ATRNL1: variants seen among roughly 807,000 people sequenced by gnomAD.
ATRNL1 encodes attractin-like protein 1.
In ATRNL1, 95 loss-of-function variants were observed where a neutral mutation model predicts 182.7. The ratio of observed to expected loss-of-function variants is 0.52; its 90% confidence interval spans 0.44 to 0.62. ATRNL1 has a LOEUF of 0.62. Ranked by LOEUF, ATRNL1 falls within the 20% of genes least tolerant of loss-of-function variation. The pLI is 0.00. For missense variants in ATRNL1, 1,471 were observed against 1,679.5 expected (o/e 0.88, Z 2.17); for synonymous variants, 576 against 568.3 (o/e 1.01, Z -0.19).
At chr10:115,336,980 G>T (rs949530206) in intron 19 of ATRNL1, among the ~76,000 whole-genome samples, 2 of 13,250 alleles carry the variant, frequency 1.5e-4, no homozygotes, top group African/African-American at 7.7e-4. Context: ...CAAGTAGCTG[G>T]GGGGGGGGGA....
intron 19 of ATRNL1, among the ~76,000 whole-genome samples, chr10:115,384,796 A>G (rs1051218669): frequency 1.3e-5 from 2 of 151,974 alleles, no homozygotes; most frequent in Non-Finnish European, 2.9e-5. Context: ...TTTTGCATAC[A>G]TAAAATTAAA....
rs372437497 is a variant in ATRNL1 at position 115,854,568 on chromosome 10, C to T, written c.4018+6577C>T. Among the ~76,000 whole-genome samples the T allele has an allele frequency of 3.2e-4, 48 of 152,322 alleles. 2 individuals are homozygous for T. In the South Asian group the frequency reaches 9.7e-3, roughly 31 times the overall value. On this transcript the variant is annotated intron_variant, in intron 28 of 28. Transcript: ENST00000355044. ...TCCTGTGGGTCTTCAGCCAACACCTCTCACCTGCTGAGCAGCAGCATCTCA... is the reference window on the plus strand; with the variant it reads ...TCCTGTGGGTCTTCAGCCAACACCTTTCACCTGCTGAGCAGCAGCATCTCA...
intron 26 of ATRNL1, among the ~76,000 whole-genome samples, chr10:115,670,888 A>G (rs1485782350): frequency 6.6e-6 from 1 of 152,140 alleles, no homozygotes; most frequent in Non-Finnish European, 1.5e-5. Flanking sequence ...ATAAAAATCA[A>G]ATATGAGAAA....
chr10:115,226,984 A>G (rs1554898793), intron 9 of ATRNL1, among the ~76,000 whole-genome samples: 16 of 152,140 alleles, frequency 1.1e-4, no homozygotes, highest in Non-Finnish European at 2.9e-5. Context: ...CTAACAGACA[A>G]CCAAGGAAAT....
intron 10 of ATRNL1, among the ~76,000 whole-genome samples, chr10:115,248,372 A>G (rs1850734305): frequency 6.6e-6 from 1 of 152,202 alleles, no homozygotes; most frequent in South Asian, 2.1e-4. Flanking sequence ...AGGCAGGACA[A>G]AGAAGTCATG....
rs562372922 is a variant in ATRNL1 at position 115,316,633 on chromosome 10, T to G, written c.3037+897T>G. Among the ~76,000 whole-genome samples, 21 of 152,314 alleles carry G rather than the reference T, an allele frequency of 1.4e-4. No individual in the cohort carries two copies. In the South Asian group the frequency reaches 4.4e-3, roughly 32 times the overall value. ...ACTAGTGTGAGATGGTATCTCATTGTGGTTTTGATTTGCATTTCTCTAATG... is the reference window on the plus strand; with the variant it reads ...ACTAGTGTGAGATGGTATCTCATTGGGGTTTTGATTTGCATTTCTCTAATG... On this transcript the variant is annotated intron_variant, in intron 18 of 28. Coordinates refer to ENST00000355044, the MANE Select transcript of ATRNL1 (RefSeq NM_207303.4).
At chr10:115,417,702 G>A (rs2134363036) in intron 20 of ATRNL1, among the ~76,000 whole-genome samples, 1 of 152,282 alleles carries the variant, frequency 6.6e-6, no homozygotes, top group East Asian at 1.9e-4. Flanking sequence ...CTGGGGCACT[G>A]GGATAGTCTT....
rs78725509 is a variant in ATRNL1 at position 115,578,815 on chromosome 10, G to A, written c.3795+29279G>A. Reference sequence around the variant, plus strand: ...TTTCTAGTTTCTTGAGGTGAGGTATGTTGTTTGAGATCTTTCTTCTGTTTT... The same window carrying A: ...TTTCTAGTTTCTTGAGGTGAGGTATATTGTTTGAGATCTTTCTTCTGTTTT... On this transcript the variant is annotated intron_variant, in intron 26 of 28. Coordinates refer to ENST00000355044, the MANE Select transcript of ATRNL1 (RefSeq NM_207303.4). 9.8e-3 allele frequency among the ~76,000 whole-genome samples: 1,491 copies of A among 151,564 alleles called. 18 individuals are homozygous for A. The highest frequency in any genetic ancestry group is 0.034 in the African/African-American group (1,412 of 41,448).
At chr10:115,898,294 GT>G (rs1952259783) in intron 28 of ATRNL1, among the ~76,000 whole-genome samples, 2 of 152,140 alleles carry the variant, frequency 1.3e-5, no homozygotes, top group African/African-American at 4.8e-5. Context: ...CCTTTTCCTA[GT>G]TTCCTATTGA....
intron 1 of ATRNL1, among the ~76,000 whole-genome samples, chr10:115,102,485 C>G (rs1209496654): frequency 6.6e-6 from 1 of 151,734 alleles, no homozygotes; most frequent in Non-Finnish European, 1.5e-5. Context: ...ACTCTGTTGC[C>G]CAGGCTGGAG....
chr10:115,490,533 T>C (rs957447609), intron 24 of ATRNL1, among the ~76,000 whole-genome samples: 5 of 152,204 alleles, frequency 3.3e-5, no homozygotes, highest in Admixed American at 6.5e-5. Context: ...TAGATGTGTA[T>C]GCCTCACGAA....
At chr10:115,501,424 C>G (rs1158890610) in intron 24 of ATRNL1, among the ~76,000 whole-genome samples, 1 of 152,048 alleles carries the variant, frequency 6.6e-6, no homozygotes, top group Non-Finnish European at 1.5e-5. Flanking sequence ...AGGTATAAGG[C>G]CAGTTTTTCC....
At chr10:115,856,156 C>T (rs533418520) in intron 28 of ATRNL1, among the ~76,000 whole-genome samples, 11 of 152,134 alleles carry the variant, frequency 7.2e-5, no homozygotes, top group East Asian at 1.9e-4. Flanking sequence ...AGACCAGGCA[C>T]GGTAGCTCAT....
At chr10:115,161,267 A>G (rs1846771080) in intron 6 of ATRNL1, among the ~76,000 whole-genome samples, 1 of 152,010 alleles carries the variant, frequency 6.6e-6, no homozygotes, top group Admixed American at 6.6e-5. Context: ...AGAAAATCGA[A>G]TAAATTCTGG....
At chr10:115,852,939 T>C (rs1180896744) in intron 28 of ATRNL1, among the ~76,000 whole-genome samples, 1 of 152,188 alleles carries the variant, frequency 6.6e-6, no homozygotes, top group Non-Finnish European at 1.5e-5. Flanking sequence ...ATTAAACTTG[T>C]ATGTCTGAGC....
At chr10:115,383,357 A>G (rs374404553) in intron 19 of ATRNL1, among the ~76,000 whole-genome samples, 2 of 152,030 alleles carry the variant, frequency 1.3e-5, no homozygotes, top group East Asian at 1.9e-4. Flanking sequence ...AATGATAATT[A>G]TGACCGGGTG....
At chr10:115,838,241 C>A (rs1565424556) in intron 27 of ATRNL1, among the ~76,000 whole-genome samples, 1 of 152,242 alleles carries the variant, frequency 6.6e-6, no homozygotes. Context: ...TGTCAAAATT[C>A]TTGAAATTGC....
At chr10:115,740,367 A>G (rs1555067313) in intron 27 of ATRNL1, among the ~76,000 whole-genome samples, 1 of 7,294 alleles carries the variant, frequency 1.4e-4, no homozygotes, top group Non-Finnish European at 0.012. Context: ...ACCATTAATG[A>G]CATATAAAAG....
At position 115,891,384 on chromosome 10, in the gene ATRNL1, C is replaced by T. The variant is rs111618876; in HGVS notation, c.4018+43393C>T. Among the ~76,000 whole-genome samples, 229 of 152,322 alleles carry T rather than the reference C, an allele frequency of 1.5e-3. 1 individual carries two copies. The highest frequency in any genetic ancestry group is 4.9e-3 in the African/African-American group (205 of 41,574). On this transcript the variant is annotated intron_variant, in intron 28 of 28. Transcript: ENST00000355044. ...AAGAACAGAACATCCAAAAACCAGG[C>T]TTACTAGCCTTGTCTTTCTTTTTGG...
Sources: gnomAD v4.1 joint callset for allele counts (sites outside exome capture counted in the v4.1 genomes callset) on GRCh38, gnomAD v4.1.1 for gene constraint, MANE v1.5 for transcripts, NCBI Gene and HGNC (gene_info 2026-07-23, HGNC 2026-07-21) for gene names.